Variants in PCDH9 observed in about 807,000 individuals in gnomAD.
The protein encoded by PCDH9 is protocadherin-9.
In PCDH9, 24 loss-of-function variants were observed where a neutral mutation model predicts 70.6. The ratio of observed to expected loss-of-function variants is 0.34; its 90% CI spans 0.25 to 0.48. PCDH9 has a LOEUF of 0.48. PCDH9 is among the 20% of genes least tolerant of loss of function. PCDH9 has a pLI of 0.99. For missense variants in PCDH9, 1,281 were observed against 1,503.6 expected (o/e 0.85, Z 2.45); for synonymous variants, 562 against 558.5 (o/e 1.01, Z -0.09).
chr13:66,844,630 C>T (rs924973308), intron 3 of PCDH9, among the ~76,000 whole-genome samples: 2 of 151,026 alleles, frequency 1.3e-5, no homozygotes, highest in African/African-American at 4.9e-5. Flanking sequence ...CTAAGTAGCA[C>T]GGTAACCATG....
chr13:67,055,710 G>C (rs1020052995), intron 2 of PCDH9, among the ~76,000 whole-genome samples: 11 of 152,080 alleles, frequency 7.2e-5, no homozygotes, highest in Non-Finnish European at 1.6e-4. Flanking sequence ...TGAAGTGGCG[G>C]GATGCCATGA....
At chr13:67,101,465 T>C (rs970130286) in intron 2 of PCDH9, among the ~76,000 whole-genome samples, 2 of 152,226 alleles carry the variant, frequency 1.3e-5, no homozygotes, top group Non-Finnish European at 1.5e-5. Flanking sequence ...GCCAGTGAAG[T>C]AGGATATAAA....
chr13:66,466,470 C>A (rs370494302), intron 4 of PCDH9, among the ~76,000 whole-genome samples: 7 of 152,174 alleles, frequency 4.6e-5, no homozygotes, highest in African/African-American at 1.7e-4. Flanking sequence ...CCCTCATCTT[C>A]CAACTATTTG....
At chr13:66,796,158 G>A (rs969190478) in intron 3 of PCDH9, among the ~76,000 whole-genome samples, 11 of 152,112 alleles carry the variant, frequency 7.2e-5, no homozygotes, top group Non-Finnish European at 1.5e-4. Context: ...GGCACTTGTG[G>A]CTATCATCTG....
chr13:67,079,061 G>A (rs2085933998), intron 2 of PCDH9, among the ~76,000 whole-genome samples: 1 of 151,970 alleles, frequency 6.6e-6, no homozygotes. Flanking sequence ...TGTAATCATA[G>A]CACTTTGGGA....
rs183911191 is a variant in PCDH9, at chr13:66,533,498, A to G, written c.3340+97712T>C. Among the ~76,000 whole-genome samples, 50 of 152,230 alleles carry G rather than the reference A, an allele frequency of 3.3e-4. 1 individual carries two copies. The highest frequency in any genetic ancestry group is 6.8e-3 in the Middle Eastern group (2 of 294). On this transcript the variant is annotated intron_variant, in intron 4 of 4. Transcript: ENST00000377865. Reference sequence around the variant, plus strand: ...GTATTTAACTATTAGTTATTTTTAGAGGAAAATTTTAAAATAAAAATCATT... The same window carrying G: ...GTATTTAACTATTAGTTATTTTTAGGGGAAAATTTTAAAATAAAAATCATT...
chr13:66,445,478 CACATAAAATATAT>C (rs1958057939), intron 4 of PCDH9, among the ~76,000 whole-genome samples: 1 of 139,106 alleles, frequency 7.2e-6, no homozygotes, highest in African/African-American at 2.8e-5. Context: ...AATATATATA[CACATAAAATATAT>C]ACACATATAT....
intron 4 of PCDH9, among the ~76,000 whole-genome samples, chr13:66,619,049 T>A (rs1488946579): frequency 6.6e-6 from 1 of 152,214 alleles, no homozygotes; most frequent in African/African-American, 2.4e-5. Flanking sequence ...GATAATTCTT[T>A]TTTTAGAAAT....
chr13:66,542,555 G>A (rs1961007492), intron 4 of PCDH9, among the ~76,000 whole-genome samples: 1 of 151,710 alleles, frequency 6.6e-6, no homozygotes, highest in Non-Finnish European at 1.5e-5. Flanking sequence ...CTGCTGGCCT[G>A]CCCTATCCAA....
chr13:66,405,297 G>C (rs1466820592), intron 4 of PCDH9, among the ~76,000 whole-genome samples: 1 of 152,006 alleles, frequency 6.6e-6, no homozygotes, highest in Admixed American at 6.6e-5. Context: ...GATGTTGTTT[G>C]CAATAAGAAA....
At chr13:67,156,049 C>A (rs1427721625) in intron 2 of PCDH9, among the ~76,000 whole-genome samples, 1 of 151,988 alleles carries the variant, frequency 6.6e-6, no homozygotes, top group Non-Finnish European at 1.5e-5. Flanking sequence ...GCTGGGAAGG[C>A]AAGACCATGG....
chr13:66,835,657 C>G (rs1217261582), intron 3 of PCDH9, among the ~76,000 whole-genome samples: 1 of 152,108 alleles, frequency 6.6e-6, no homozygotes, highest in East Asian at 1.9e-4. Flanking sequence ...GCTAACCACC[C>G]AACAATTTTT....
chr13:66,370,846 T>C (rs1403368237), intron 4 of PCDH9, among the ~76,000 whole-genome samples: 1 of 152,094 alleles, frequency 6.6e-6, no homozygotes, highest in Non-Finnish European at 1.5e-5. Flanking sequence ...AAACTCTTCC[T>C]TGCTATTTTT....
At chr13:67,136,376 C>T (rs1267933539) in intron 2 of PCDH9, among the ~76,000 whole-genome samples, 2 of 152,162 alleles carry the variant, frequency 1.3e-5, no homozygotes, top group African/African-American at 2.4e-5. Context: ...TGTCAAGTGA[C>T]GCATGACTGT....
chr13:66,729,125 A>G (rs1481899020), intron 3 of PCDH9, among the ~76,000 whole-genome samples: 1 of 152,090 alleles, frequency 6.6e-6, no homozygotes, highest in South Asian at 2.1e-4. Context: ...GAAAGATCTC[A>G]TATCTAACAT....
At chr13:66,382,424 GA>G (rs35686637) in intron 4 of PCDH9, among the ~76,000 whole-genome samples, 168 of 142,444 alleles carry the variant, frequency 1.2e-3, no homozygotes, top group Admixed American at 3.0e-3. Flanking sequence ...TAAGTTGAGT[GA>G]AAAAAAAAAA....
At chr13:66,783,591 T>C (rs2080034435) in intron 3 of PCDH9, among the ~76,000 whole-genome samples, 1 of 152,200 alleles carries the variant, frequency 6.6e-6, no homozygotes, top group Non-Finnish European at 1.5e-5. Flanking sequence ...AAAATATGTA[T>C]ACATTTTAAT....
At chr13:67,098,111 C>T (rs1221120909) in intron 2 of PCDH9, among the ~76,000 whole-genome samples, 1 of 152,080 alleles carries the variant, frequency 6.6e-6, no homozygotes. Context: ...AGTTTCATTA[C>T]CAAGATTCAA....
In PCDH9 at chr13:66,861,102, T is replaced by G. The variant is rs1040176761; in HGVS notation, c.3138+42402A>C. On this transcript the variant is annotated intron_variant, in intron 3 of 4. Transcript: ENST00000377865. ...ACAGGTCTAGTGGCTCCTTCTAAGT[T>G]GCAAAGAAGAGGTACCTCTAGTGTA... Among the ~76,000 whole-genome samples the G allele has an allele frequency of 3.8e-4, 58 of 152,148 alleles. 1 individual carries two copies. The highest frequency in any genetic ancestry group is 1.4e-3 in the African/African-American group (56 of 41,414).
Sources: gnomAD v4.1 joint callset for allele counts (sites outside exome capture counted in the v4.1 genomes callset) on GRCh38, gnomAD v4.1.1 for gene constraint, MANE v1.5 for transcripts, NCBI Gene and HGNC (gene_info 2026-07-23, HGNC 2026-07-21) for gene names.